TTC3: variants seen among roughly 807,000 people sequenced by gnomAD.
The protein encoded by TTC3 is tetratricopeptide repeat domain 3, also known as E3 ubiquitin-protein ligase TTC3.
TTC3 carries 180 observed loss-of-function variants against 249.6 expected under a neutral mutation model. That is an observed-to-expected ratio of 0.72 (90% confidence interval 0.64 to 0.82). The LOEUF (loss-of-function observed/expected upper bound fraction) is 0.82. TTC3 is among the 40% of genes least tolerant of loss of function. TTC3 has a pLI of 0.00. For missense variants in TTC3, 2,061 were observed against 2,398.4 expected (o/e 0.86, Z 2.94); for synonymous variants, 717 against 805.0 (o/e 0.89, Z 1.85).
At chr21:37,192,308 T>G (rs895371958) in intron 41 of TTC3, 95 bp downstream of exon 41, 7 of 767,694 alleles carry the variant, frequency 9.1e-6, no homozygotes, top group Non-Finnish European at 1.4e-5. Context: ...GGAGTGAGGA[T>G]GAGATTGGTT....
chr21:37,158,250 G>T lies in TTC3; in HGVS notation c.2992+1344G>T, dbSNP rs12483291. On this transcript the variant is annotated intron_variant, in intron 28 of 45. Coordinates refer to ENST00000355666, the Ensembl canonical transcript of TTC3. The stretch of plus-strand genomic sequence containing the variant: ...ACTGAGCTTACAAAACCTGATGCAT[G>T]TTTGGATCACAAAACAAGACAACTA... 3,598 of 973,400 alleles carry T rather than the reference G, an allele frequency of 3.7e-3. 165 individuals carry two copies. In the Admixed American group the frequency reaches 0.12, roughly 31 times the overall value. The allele number at this position is 973,400 out of a possible 1,614,324, so 60.3% of individuals were successfully genotyped here. A position where few individuals can be genotyped will look rare whatever the true frequency, so the allele number is the denominator to read the frequency against.
At chr21:37,080,620 G>A (rs532318082) in intron 1 of TTC3, among the ~76,000 whole-genome samples, 1 of 151,952 alleles carries the variant, frequency 6.6e-6, no homozygotes, top group Non-Finnish European at 1.5e-5. Context: ...AACAATTTTT[G>A]TTCTTCTGTA....
chr21:37,073,747 T>C (rs1205698703), intron 1 of TTC3, among the ~76,000 whole-genome samples: 1 of 152,080 alleles, frequency 6.6e-6, no homozygotes, highest in African/African-American at 2.4e-5. Context: ...TGTCGCCTCG[T>C]CGCCCCTTTT....
At chr21:37,148,715 T>G in intron 23 of TTC3, 68 bp downstream of exon 23, 1 of 1,033,416 alleles carries the variant, frequency 9.7e-7, no homozygotes, top group Non-Finnish European at 1.4e-6. Flanking sequence ...CCCCCAAGAA[T>G]TCCTTCCTGA....
chr21:37,085,665 T>C (rs2835579), intron 1 of TTC3: 69,248 of 152,072 alleles, frequency 0.46, 16,304 homozygotes, highest in Non-Finnish European at 0.52. Context: ...TGGGAGAGCC[T>C]AGTGAGGTAG....
Position 37,173,561 on chromosome 21 carries a change from C to T in TTC3, c.4617+817C>T, listed in dbSNP as rs185678682. On this transcript the variant is annotated intron_variant, in intron 35 of 45. Transcript: ENST00000355666. Reference sequence around the variant, plus strand: ...TGCATTTGTTTTTAAAAGCTACCATCATCTGTTTAGAAAGGTAACAAAAGA... The same window carrying T: ...TGCATTTGTTTTTAAAAGCTACCATTATCTGTTTAGAAAGGTAACAAAAGA... 1.6e-3 allele frequency among the ~76,000 whole-genome samples: 244 copies of T among 152,334 alleles called. 1 individual carries two copies. The highest frequency in any genetic ancestry group is 3.4e-3 in the Middle Eastern group (1 of 294).
At chr21:37,144,173 C>G (rs952356236) in intron 20 of TTC3, among the ~76,000 whole-genome samples, 40 of 151,790 alleles carry the variant, frequency 2.6e-4, no homozygotes, top group Non-Finnish European at 4.9e-4. Flanking sequence ...AGCACAGCAA[C>G]ATGGCACATG....
chr21:37,090,331 G>T (rs572741321), intron 6 of TTC3, 45 bp downstream of exon 6: 1 of 1,512,458 alleles, frequency 6.6e-7, no homozygotes, highest in Admixed American at 1.7e-5. Context: ...GTGGATGAGT[G>T]GCAGTCATCT....
intron 11 of TTC3, 149 bp from the exon 12 acceptor site, chr21:37,121,668 T>A (rs576484448): frequency 1.4e-6 from 1 of 696,270 alleles, no homozygotes; most frequent in South Asian, 3.3e-5. Context: ...CCTGAGGTAT[T>A]AACATTTTAC....
chr21:37,190,086 T>C (rs913438672), intron 39 of TTC3, among the ~76,000 whole-genome samples: 1 of 151,600 alleles, frequency 6.6e-6, no homozygotes, highest in African/African-American at 2.4e-5. Flanking sequence ...GAACCAGAGA[T>C]TGTGTGAATC....
chr21:37,144,099 G>A (rs890574432), intron 20 of TTC3, among the ~76,000 whole-genome samples: 16 of 151,844 alleles, frequency 1.1e-4, no homozygotes, highest in Middle Eastern at 3.4e-3. Context: ...GTTGTGAGGT[G>A]GGGGGAGGGG....
chr21:37,096,432 A>T, intron 9 of TTC3, 149 bp from the exon 10 acceptor site: 4 of 544,340 alleles, frequency 7.3e-6, no homozygotes, highest in Non-Finnish European at 1.3e-5. Context: ...GGACTTCGCC[A>T]GTTAAGACTC....
Position 37,197,556 on chromosome 21 carries a change from A to G in TTC3, c.5580-14A>G. 1 of 1,611,340 alleles carries G rather than the reference A, an allele frequency of 6.2e-7. No homozygotes were observed. Among genetic ancestry groups the G allele is most frequent in the South Asian group, 1.1e-5 (1 of 90,906 alleles). ...AACTTTCTGTTGTCATTCATCACTCACTCTCCCTTTCAGCACTGAGCTTGC... is the reference window on the plus strand; with the variant it reads ...AACTTTCTGTTGTCATTCATCACTCGCTCTCCCTTTCAGCACTGAGCTTGC... On this transcript the variant is annotated splice_polypyrimidine_tract_variant and intron_variant, in intron 42 of 45. Coordinates refer to ENST00000355666, the Ensembl canonical transcript of TTC3.
At chr21:37,080,184 A>T (rs2071439873) in intron 1 of TTC3, among the ~76,000 whole-genome samples, 1 of 152,172 alleles carries the variant, frequency 6.6e-6, no homozygotes, top group Non-Finnish European at 1.5e-5. Context: ...CTTATCTAAC[A>T]TAGTTTAATT....
In TTC3 at chr21:37,143,852, C is replaced by G. The variant is rs113766811; in HGVS notation, c.1773-673C>G. The stretch of plus-strand genomic sequence containing the variant: ...AGACTTGGAACCAACCCAAATGTCC[C>G]TCAGTGATAGACTGGATTAAGAAAA... On this transcript the variant is annotated intron_variant, in intron 20 of 45. Coordinates refer to ENST00000355666, the Ensembl canonical transcript of TTC3. Among the ~76,000 whole-genome samples the G allele has an allele frequency of 1.0e-3, 73 of 70,258 alleles. 22 individuals carry two copies. Among genetic ancestry groups the G allele is most frequent in the Non-Finnish European group, 1.6e-3 (59 of 37,772 alleles). 46.1% of individuals were successfully genotyped at this position (70,258 alleles called of 152,430 possible).
intron 25 of TTC3, among the ~76,000 whole-genome samples, 159 bp downstream of exon 25, chr21:37,151,043 TAAAG>T (rs1461268878): frequency 1.3e-5 from 2 of 152,174 alleles, no homozygotes; most frequent in Non-Finnish European, 2.9e-5. Flanking sequence ...AATTAAAACT[TAAAG>T]AGAACTAGCC....
intron 11 of TTC3, among the ~76,000 whole-genome samples, chr21:37,112,243 A>T (rs2075736843): frequency 6.6e-6 from 1 of 152,226 alleles, no homozygotes; most frequent in Non-Finnish European, 1.5e-5. Context: ...TCAAAAAATC[A>T]GTGAATCCAG....
At chr21:37,083,860 A>G (rs1324536744) in intron 1 of TTC3, 4 of 152,128 alleles carry the variant, frequency 2.6e-5, no homozygotes, top group African/African-American at 9.7e-5. Flanking sequence ...GGAATTTTGG[A>G]AGCCATTGTT....
chr21:37,124,687 G>A, exon 14 of TTC3: 2 of 1,613,560 alleles, frequency 1.2e-6, no homozygotes, highest in African/African-American at 2.7e-5. Flanking sequence ...GAGAAGGAAA[G>A]AGATTTCAGA....
Sources: gnomAD v4.1 joint callset for allele counts (sites outside exome capture counted in the v4.1 genomes callset) on GRCh38, gnomAD v4.1.1 for gene constraint, MANE v1.5 for transcripts, NCBI Gene and HGNC (gene_info 2026-07-23, HGNC 2026-07-21) for gene names.